ADAM32: variants seen among roughly 807,000 people sequenced by gnomAD.
ADAM32 encodes the protein disintegrin and metalloproteinase domain-containing protein 32.
ADAM32 carries 89 observed loss-of-function variants against 114.9 expected under a neutral mutation model. The ratio of observed to expected loss-of-function variants is 0.77; its 90% CI spans 0.65 to 0.92. The LOEUF is 0.92. Ranked by LOEUF, ADAM32 falls within the 40% of genes least tolerant of loss-of-function variation. The pLI is 0.00. For missense variants in ADAM32, 870 were observed against 932.8 expected (o/e 0.93, Z 0.88); for synonymous variants, 285 against 307.5 (o/e 0.93, Z 0.77).
At chr8:39,264,365 C>A (rs548951185) in intron 19 of ADAM32, among the ~76,000 whole-genome samples, 1 of 152,230 alleles carries the variant, frequency 6.6e-6, no homozygotes, top group East Asian at 1.9e-4. Flanking sequence ...GTAATAGTTT[C>A]TGAAGATTTT....
At chr8:39,263,212 A>C (rs1330346985) in intron 19 of ADAM32, among the ~76,000 whole-genome samples, 1 of 152,202 alleles carries the variant, frequency 6.6e-6, no homozygotes, top group African/African-American at 2.4e-5. Context: ...ATTATAGGTT[A>C]TATGGGTATG....
At chr8:39,159,727 C>G (rs558101408) in intron 6 of ADAM32, among the ~76,000 whole-genome samples, 2 of 152,270 alleles carry the variant, frequency 1.3e-5, no homozygotes, top group Admixed American at 1.3e-4. Context: ...GTGGAGGAAA[C>G]AAAGGAAAGC....
chr8:39,218,247 G>T (rs11782591), intron 12 of ADAM32, among the ~76,000 whole-genome samples: 34,739 of 152,072 alleles, frequency 0.23, 4,358 homozygotes, highest in Non-Finnish European at 0.27. Context: ...TGTGCTGACT[G>T]TCTGGAGCTG....
intron 3 of ADAM32, among the ~76,000 whole-genome samples, chr8:39,140,787 C>CT (rs967137445): frequency 6.6e-6 from 1 of 152,088 alleles, no homozygotes; most frequent in African/African-American, 2.4e-5. Flanking sequence ...TGGTCCTGGA[C>CT]TTTTTTTGTG....
At chr8:39,140,454 T>C (rs1375766951) in intron 3 of ADAM32, among the ~76,000 whole-genome samples, 1 of 152,244 alleles carries the variant, frequency 6.6e-6, no homozygotes, top group Admixed American at 6.5e-5. Flanking sequence ...ATGGATTACA[T>C]TTATTGATTT....
intron 23 of ADAM32, 145 bp from the exon 24 acceptor site, chr8:39,283,441 A>T: frequency 1.7e-6 from 1 of 574,912 alleles, no homozygotes; most frequent in Non-Finnish European, 2.8e-6. Context: ...AAAAAATGGA[A>T]AAGAGGTAGA....
intron 20 of ADAM32, among the ~76,000 whole-genome samples, chr8:39,272,393 T>G (rs546500988): frequency 2.0e-5 from 3 of 152,078 alleles, no homozygotes; most frequent in Non-Finnish European, 1.5e-5. Flanking sequence ...CACCGTTAGG[T>G]GATTGTGTTA....
At chr8:39,178,986 C>T (rs751377982) in intron 10 of ADAM32, among the ~76,000 whole-genome samples, 9 of 152,096 alleles carry the variant, frequency 5.9e-5, no homozygotes, top group Non-Finnish European at 1.2e-4. Flanking sequence ...GAGGTCTCAC[C>T]CAGTCAGGAG....
intron 10 of ADAM32, among the ~76,000 whole-genome samples, chr8:39,182,987 AG>A (rs200903385): frequency 6.6e-6 from 1 of 152,170 alleles, no homozygotes; most frequent in East Asian, 1.9e-4. Context: ...CAAATGGTAT[AG>A]TTGGCTGTGC....
intron 11 of ADAM32, among the ~76,000 whole-genome samples, chr8:39,197,455 A>G (rs6996436): frequency 0.25 from 37,357 of 151,672 alleles, 4,915 homozygotes; most frequent in Non-Finnish European, 0.29. Flanking sequence ...GACATTTATT[A>G]TCATAAAATT....
At chr8:39,116,971 C>T (rs1004664490) in intron 1 of ADAM32, among the ~76,000 whole-genome samples, 5 of 152,014 alleles carry the variant, frequency 3.3e-5, no homozygotes, top group African/African-American at 1.2e-4. Flanking sequence ...GTAATCTCTG[C>T]CTCCTGGGTT....
At chr8:39,196,716 T>A (rs1300843082) in intron 11 of ADAM32, among the ~76,000 whole-genome samples, 1 of 152,142 alleles carries the variant, frequency 6.6e-6, no homozygotes, top group African/African-American at 2.4e-5. Context: ...ATCTCCTTGA[T>A]GTGTTGTTGG....
chr8:39,139,675 T>C (rs968809802), intron 3 of ADAM32, among the ~76,000 whole-genome samples: 3 of 152,200 alleles, frequency 2.0e-5, no homozygotes. Context: ...TTTGGTTCCA[T>C]ATGAACTTTA....
intron 12 of ADAM32, among the ~76,000 whole-genome samples, chr8:39,213,982 C>A (rs1004940613): frequency 6.6e-6 from 1 of 152,094 alleles, no homozygotes; most frequent in Non-Finnish European, 1.5e-5. Flanking sequence ...AATATAATGA[C>A]CTCTAGTTCC....
intron 16 of ADAM32, among the ~76,000 whole-genome samples, chr8:39,236,317 G>A (rs7825879): frequency 5.9e-5 from 9 of 151,940 alleles, no homozygotes; most frequent in African/African-American, 2.2e-4. Flanking sequence ...TTTTGTATGT[G>A]CAATTAATAC....
At chr8:39,179,457 C>T (rs1050041141) in intron 10 of ADAM32, among the ~76,000 whole-genome samples, 4 of 152,164 alleles carry the variant, frequency 2.6e-5, no homozygotes, top group East Asian at 1.9e-4. Flanking sequence ...ATGGATCTCC[C>T]GCCTGGCAGG....
intron 2 of ADAM32, 68 bp from the exon 3 acceptor site, chr8:39,136,589 A>C: frequency 3.2e-6 from 3 of 951,678 alleles, no homozygotes; most frequent in Non-Finnish European, 4.7e-6. Flanking sequence ...AGATTAATTG[A>C]TATAAAACTG....
chr8:39,205,443 C>A (rs1298322076), intron 11 of ADAM32, among the ~76,000 whole-genome samples: 1 of 152,172 alleles, frequency 6.6e-6, no homozygotes, highest in Admixed American at 6.5e-5. Context: ...GGGATATAAT[C>A]TCCTGCCGTT....
At chr8:39,173,871 C>T (rs187642523) in intron 10 of ADAM32, among the ~76,000 whole-genome samples, 19 of 152,214 alleles carry the variant, frequency 1.2e-4, no homozygotes, top group African/African-American at 4.3e-4. Context: ...GTAGCCCAGG[C>T]TGGAGTGCAG....
Sources: gnomAD v4.1 joint callset for allele counts (sites outside exome capture counted in the v4.1 genomes callset) on GRCh38, gnomAD v4.1.1 for gene constraint, MANE v1.5 for transcripts, NCBI Gene and HGNC (gene_info 2026-07-23, HGNC 2026-07-21) for gene names.